IDNK: variants seen among roughly 807,000 people sequenced by gnomAD.
The protein encoded by IDNK is gluconokinase.
In IDNK, 9 loss-of-function variants were observed where a neutral mutation model predicts 13.0. The ratio of observed to expected loss-of-function variants is 0.69; its 90% confidence interval spans 0.42 to 1.21. The LOEUF is 1.21. Among genes scored for constraint, IDNK ranks in the 50% most tolerant of loss-of-function variants. The pLI, the probability that IDNK is intolerant of heterozygous loss-of-function variation, is 0.00. For missense variants in IDNK, 210 were observed against 237.8 expected (o/e 0.88, Z 0.77); for synonymous variants, 92 against 94.9 (o/e 0.97, Z 0.18).
chr9:83,635,764 ATAAATC>A (rs1322577367), intron 3 of IDNK, among the ~76,000 whole-genome samples: 1 of 152,256 alleles, frequency 6.6e-6, no homozygotes, highest in Admixed American at 6.5e-5. Flanking sequence ...TTTCTCAAAG[ATAAATC>A]CTTTGACTCA....
chr9:83,643,514 G>A lies in IDNK; in HGVS notation c.298G>A (p.Gly100Ser). 6.2e-7 allele frequency: 1 copy of A among 1,613,944 alleles called. No homozygotes were observed. Among genetic ancestry groups the A allele is most frequent in the Non-Finnish European group, 8.5e-7 (1 of 1,179,974 alleles). ...YRDILTQGKD[G>S]VALKCEESGK... ...AGACATATTAACACAAGGAAAAGAT[G>A]GTGTAGCTCTGAAGTGTGAGGAGTC... Residue 100 changes from glycine to serine, a missense_variant, in exon 5 of 5, where the codon GGT (glycine) becomes AGT (serine). By Grantham distance (56) the Gly-to-Ser change is moderately conservative. Coordinates refer to ENST00000376419, the MANE Select transcript of IDNK (RefSeq NM_001001551.4).
chr9:83,627,892 A>C, intron 1 of IDNK: 11 of 396,774 alleles, frequency 2.8e-5, no homozygotes, highest in Non-Finnish European at 3.8e-5. Context: ...CACAACAGGG[A>C]CCAAAAACTG....
At chr9:83,633,604 CAG>C (rs1457523806) in intron 3 of IDNK, among the ~76,000 whole-genome samples, 1 of 152,236 alleles carries the variant, frequency 6.6e-6, no homozygotes, top group African/African-American at 2.4e-5. Context: ...TTCAAAAATT[CAG>C]AGTTGGAAAT....
chr9:83,641,603 C>T lies in IDNK; in HGVS notation c.212+12C>T, dbSNP rs919611930. The stretch of plus-strand genomic sequence containing the variant: ...GACATTTTACTAAGGTAAGAGACCA[C>T]CAGGCCTTGGCATAAGCCAAAGCCA... On this transcript the variant is annotated intron_variant, in intron 4 of 4. Transcript: ENST00000376419. The T allele has an allele frequency of 3.1e-6, 5 of 1,613,640 alleles. No individual in the cohort carries two copies. In the African/African-American group the frequency reaches 6.7e-5, roughly 22 times the overall value.
chr9:83,641,697 G>A (rs1831314392), intron 4 of IDNK, 106 bp downstream of exon 4: 9 of 1,141,410 alleles, frequency 7.9e-6, no homozygotes, highest in Non-Finnish European at 1.2e-5. Context: ...ACTGACTGAT[G>A]GTAAAGGATT....
rs562868847 is a variant in IDNK, at chr9:83,641,915, T to C, written c.212+324T>C. On this transcript the variant is annotated intron_variant, in intron 4 of 4. Coordinates refer to ENST00000376419, the MANE Select transcript of IDNK (RefSeq NM_001001551.4). ...AATATAGTTCCTACTCACAGATTTT[T>C]GTAAGGAATAAGTGAGTTGGTGAGT... Among the ~76,000 whole-genome samples the C allele has an allele frequency of 2.0e-5, 3 of 152,354 alleles. No homozygotes were observed. In the East Asian group the frequency reaches 5.8e-4, roughly 29 times the overall value.
chr9:83,623,299 G>T, intron 1 of IDNK, 78 bp downstream of exon 1: 1 of 1,264,960 alleles, frequency 7.9e-7, no homozygotes, highest in Middle Eastern at 2.0e-4. Context: ...CGCCGTCCCT[G>T]CCGGTGGACT....
intron 3 of IDNK, among the ~76,000 whole-genome samples, chr9:83,632,440 G>A (rs1831044324): frequency 1.3e-5 from 2 of 151,712 alleles, no homozygotes; most frequent in Non-Finnish European, 1.5e-5. Flanking sequence ...CCATCTTTGC[G>A]TGTAGGGACT....
chr9:83,623,245 G>A lies in IDNK; in HGVS notation c.50+24G>A, dbSNP rs369212033. On this transcript the variant is annotated intron_variant, in intron 1 of 4. Coordinates refer to ENST00000376419, the MANE Select transcript of IDNK (RefSeq NM_001001551.4). ...AAGTAGGTCCGGGAGAGGGCGGGGGGCGCCCGGGACAAGTGTTGCGGGCGC... is the reference window on the plus strand; with the variant it reads ...AAGTAGGTCCGGGAGAGGGCGGGGGACGCCCGGGACAAGTGTTGCGGGCGC... The A allele has an allele frequency of 2.9e-5, 40 of 1,385,410 alleles. No individual in the cohort carries two copies. The East Asian group carries it at 7.1e-4, about 25-fold the overall frequency. The allele number at this position is 1,385,410 out of a possible 1,614,324, so 85.8% of individuals were successfully genotyped here.
chr9:83,626,562 G>A lies in IDNK; in HGVS notation c.51-1619G>A, dbSNP rs576915181. ...CTCCGGAGTAACTGGGGTTACAGGC[G>A]TGCACCACCACACCCAGCTAAGTTT... On this transcript the variant is annotated intron_variant, in intron 1 of 4. Transcript: ENST00000376419. 9 of 483,292 alleles carry A rather than the reference G, an allele frequency of 1.9e-5. No homozygotes were observed. In the East Asian group the frequency reaches 2.2e-4, roughly 12 times the overall value. The allele number at this position is 483,292 out of a possible 1,614,324, so 29.9% of individuals were successfully genotyped here. A position where few individuals can be genotyped will look rare whatever the true frequency, so the allele number is the denominator to read the frequency against.
At chr9:83,628,015 A>G in intron 1 of IDNK, 166 bp from the exon 2 acceptor site, 1 of 1,436,518 alleles carries the variant, frequency 7.0e-7, no homozygotes, top group African/African-American at 1.4e-5. Flanking sequence ...AGCTAAGGCC[A>G]GTCTCCAGAC....
chr9:83,626,904 G>T, intron 1 of IDNK: 1 of 1,022,248 alleles, frequency 9.8e-7, no homozygotes, highest in South Asian at 2.6e-5. Flanking sequence ...ATCTCAGTTT[G>T]GTACAACTGT....
chr9:83,623,931 G>A (rs1208540886), intron 1 of IDNK, among the ~76,000 whole-genome samples: 2 of 152,128 alleles, frequency 1.3e-5, no homozygotes, highest in Non-Finnish European at 2.9e-5. Flanking sequence ...TGTACCATTC[G>A]ACCACAGGCA....
rs1202347962 is a variant in IDNK at position 83,623,216 on chromosome 9, G to A, written c.45G>A (p.Ser15=). The change falls in exon 1 of 5, where the codon TCG becomes TCA. Residue 15 remains serine (S), a synonymous_variant. Coordinates refer to ENST00000376419, the MANE Select transcript of IDNK (RefSeq NM_001001551.4). ...GALLVMGVSG[S]GKSTVGALLA... ...TGCTGGTGATGGGCGTGAGCGGCTCGGGGAAGTAGGTCCGGGAGAGGGCGG... is the reference window on the plus strand; with the variant it reads ...TGCTGGTGATGGGCGTGAGCGGCTCAGGGAAGTAGGTCCGGGAGAGGGCGG... The A allele has an allele frequency of 2.1e-6, 3 of 1,403,400 alleles. No individual in the cohort carries two copies. The highest frequency in any genetic ancestry group is 2.8e-6 in the Non-Finnish European group (3 of 1,083,134). The allele number at this position is 1,403,400 out of a possible 1,614,324, so 86.9% of individuals were successfully genotyped here.
intron 3 of IDNK, among the ~76,000 whole-genome samples, chr9:83,638,073 G>A (rs571008509): frequency 9.9e-5 from 15 of 152,036 alleles, no homozygotes; most frequent in African/African-American, 3.4e-4. Context: ...GCCCGTGAAA[G>A]TGTTTCCAAA....
At chr9:83,633,110 C>G (rs1258761934) in intron 3 of IDNK, among the ~76,000 whole-genome samples, 1 of 151,904 alleles carries the variant, frequency 6.6e-6, no homozygotes, top group Non-Finnish European at 1.5e-5. Flanking sequence ...GAGGCCGAGG[C>G]GGGCAGATCA....
At chr9:83,633,166 C>T (rs1295123313) in intron 3 of IDNK, among the ~76,000 whole-genome samples, 2 of 152,090 alleles carry the variant, frequency 1.3e-5, no homozygotes, top group Non-Finnish European at 2.9e-5. Flanking sequence ...GGTGAAATCC[C>T]GTCTCTACTA....
At chr9:83,642,259 T>C (rs1042903777) in intron 4 of IDNK, among the ~76,000 whole-genome samples, 16 of 152,154 alleles carry the variant, frequency 1.1e-4, no homozygotes, top group African/African-American at 3.9e-4. Flanking sequence ...CTTTCTAAGA[T>C]GAAGTCATAT....
chr9:83,640,507 G>C (rs143697864), intron 3 of IDNK, among the ~76,000 whole-genome samples: 154 of 152,278 alleles, frequency 1.0e-3, no homozygotes, highest in Non-Finnish European at 2.0e-3. Context: ...GTGGGATGTG[G>C]TTGGGGGCAT....
Sources: allele counts gnomAD v4.1 joint callset (sites outside exome capture counted in the v4.1 genomes callset), GRCh38; gene constraint gnomAD v4.1.1; transcripts MANE v1.5; gene names NCBI Gene and HGNC (gene_info 2026-07-23, HGNC 2026-07-21).